The following PIK3C2B variants were observed in gnomAD, a reference collection of about 807,000 sequenced individuals.
The protein encoded by PIK3C2B is phosphatidylinositol-4-phosphate 3-kinase catalytic subunit type 2 beta, also known as phosphatidylinositol 4-phosphate 3-kinase C2 domain-containing subunit beta.
Under a neutral mutation model 184.3 loss-of-function variants are expected in PIK3C2B, and 83 were observed. The observed-to-expected ratio is 0.45, with a 90% confidence interval of 0.38 to 0.54. PIK3C2B has a LOEUF of 0.54. Among genes scored for constraint, PIK3C2B ranks in the 20% least tolerant of loss-of-function variants. The pLI is 0.00. For missense variants in PIK3C2B, 1,736 were observed against 2,113.5 expected, an observed-to-expected ratio of 0.82 and a Z score of 3.50; for synonymous variants, 779 against 837.6, an observed-to-expected ratio of 0.93 and a Z score of 1.21.
chr1:204,433,211 T>A lies in PIK3C2B; in HGVS notation c.3953+105A>T. Reference sequence around the variant, plus strand: ...ACGTGGTCAGCTCTAGGCTCTAGCATCTGAGCTAAGCTTTTCACCTTTCCC... The same window carrying A: ...ACGTGGTCAGCTCTAGGCTCTAGCAACTGAGCTAAGCTTTTCACCTTTCCC... On this transcript the variant is annotated intron_variant, in intron 26 of 32. Transcript: ENST00000684373. This position sits in a 1 kb window ranked among gnomAD's most constrained non-coding sequence, Gnocchi z 5.0. The A allele has an allele frequency of 1.5e-6, 1 of 652,786 alleles. No homozygotes were observed. The highest frequency in any genetic ancestry group is 2.7e-6 in the Non-Finnish European group (1 of 364,758). 40.4% of individuals were successfully genotyped at this position (652,786 alleles called of 1,614,324 possible). A position where few individuals can be genotyped will look rare whatever the true frequency, so the allele number is the denominator to read the frequency against.
Position 204,433,245 on chromosome 1 carries a change from C to A in PIK3C2B, c.3953+71G>T. Reference sequence around the variant, plus strand: ...AGCTTTTCACCTTTCCCCAGTCCTCCTCCTGCCAATCCGGCAGGCTGGGAA... The same window carrying A: ...AGCTTTTCACCTTTCCCCAGTCCTCATCCTGCCAATCCGGCAGGCTGGGAA... On this transcript the variant is annotated intron_variant, in intron 26 of 32. Coordinates refer to ENST00000684373, the MANE Select transcript of PIK3C2B (RefSeq NM_001377334.1). The surrounding 1 kb of genome is among the most constrained non-coding windows in gnomAD (Gnocchi z 5.0). 2.3e-6 allele frequency: 2 copies of A among 853,050 alleles called. No homozygotes were observed. The highest frequency in any genetic ancestry group is 2.0e-6 in the Non-Finnish European group (1 of 508,796). 52.8% of individuals were successfully genotyped at this position (853,050 alleles called of 1,614,324 possible).
chr1:204,439,151 A>G (rs1675510285), intron 22 of PIK3C2B, 80 bp from the exon 23 acceptor site: 1 of 1,407,044 alleles, frequency 7.1e-7, no homozygotes, highest in South Asian at 1.2e-5. Flanking sequence ...GACTGTGCTC[A>G]TGCTTCCCTA....
intron 14 of PIK3C2B, among the ~76,000 whole-genome samples, chr1:204,448,614 G>A (rs1654077092): frequency 7.2e-6 from 1 of 138,252 alleles, no homozygotes; most frequent in Non-Finnish European, 1.6e-5. Context: ...TTCCAGCCTG[G>A]GTGACAGAGA....
intron 2 of PIK3C2B, chr1:204,467,162 G>A (rs892135686): frequency 3.0e-6 from 1 of 327,882 alleles, no homozygotes; most frequent in African/African-American, 2.2e-5. Context: ...GGGAGTAGGG[G>A]AGGCAGGAGA....
intron 21 of PIK3C2B, 152 bp downstream of exon 21, chr1:204,441,319 A>G (rs2999496): frequency 0.97 from 544,617 of 559,892 alleles, 266,495 homozygotes; most frequent in East Asian, 1. Context: ...TGCAGAATTC[A>G]TCTAAATCCT....
chr1:204,454,758 G>A lies in PIK3C2B; in HGVS notation c.1977C>T (p.Ser659=), dbSNP rs1448583781. The change falls in exon 12 of 33, where the codon AGC becomes AGT. Residue 659 remains serine, a synonymous_variant. Coordinates refer to ENST00000684373, the MANE Select transcript of PIK3C2B (RefSeq NM_001377334.1). ...YEDFYLSCSL[S]HGGKELCSPL... is the part of the protein sequence containing the mutation. ...GGCTGCACAGCTCCTTGCCGCCATG[G>A]CTGAGGGAGCAGGAGAGGTAGAAAT... 1.2e-6 allele frequency: 2 copies of A among 1,613,420 alleles called. No homozygotes were observed. The highest frequency in any genetic ancestry group is 1.7e-6 in the Non-Finnish European group (2 of 1,179,976).
At position 204,469,305 on chromosome 1, in the gene PIK3C2B, C is replaced by T; in HGVS notation, c.498G>A (p.Trp166Ter). ...PPPLPPRASI[W>*]DTPPLPPRKG... is the part of the protein sequence containing the mutation. ...TTCTGGGAGGCAGGGGAGGGGTATC[C>T]CAGATAGAAGCTCGGGGAGGCAGAG... Residue 166 changes from tryptophan to a stop codon, truncating the protein, a stop_gained, in exon 2 of 33, where the codon TGG (tryptophan) becomes TGA (stop). Coordinates refer to ENST00000684373, the MANE Select transcript of PIK3C2B (RefSeq NM_001377334.1). LOFTEE classifies it high-confidence loss of function. 6.5e-7 allele frequency: 1 copy of T among 1,535,954 alleles called. No individual in the cohort carries two copies.
At chr1:204,479,385 G>A (rs965647424) in intron 1 of PIK3C2B, among the ~76,000 whole-genome samples, 1 of 152,092 alleles carries the variant, frequency 6.6e-6, no homozygotes, top group Non-Finnish European at 1.5e-5. Flanking sequence ...GGACAGGGAA[G>A]GTCCCAGGAT....
Position 204,429,965 on chromosome 1 carries a change from C to A in PIK3C2B, c.4354G>T (p.Gly1452Cys), listed in dbSNP as rs757025537. 6.2e-7 allele frequency: 1 copy of A among 1,612,918 alleles called. No homozygotes were observed. Among genetic ancestry groups the A allele is most frequent in the South Asian group, 1.1e-5 (1 of 91,080 alleles). The change falls in exon 29 of 33, where the codon GGT becomes TGT. Residue 1452 changes from glycine to cysteine, a missense_variant. Physicochemically the swap from Gly to Cys is radical, Grantham distance 159. This residue lies in a region of PIK3C2B where 200 missense variants were observed against 199.1 expected (regional missense o/e 1.00). Transcript: ENST00000684373. Reference protein sequence around the residue: ...VAERRREELNGYIWHLIHAPP... With the variant: ...VAERRREELNCYIWHLIHAPP... ...GCGTGGATCAAGTGCCAGATGTAAC[C>A]GTTTAGCTCCTCCCTCCGCCGCTCG...
At position 204,433,476 on chromosome 1, in the gene PIK3C2B, C is replaced by T. The variant is rs756435876; in HGVS notation, c.3844-51G>A. The stretch of plus-strand genomic sequence containing the variant: ...AGGGTGCCTGTAACAACAGAGAATT[C>T]TTGCTGCTTCTCTACCCTTAGGCAA... On this transcript the variant is annotated intron_variant, in intron 25 of 32. Transcript: ENST00000684373. The surrounding 1 kb of genome is among the most constrained non-coding windows in gnomAD (Gnocchi z 5.0). 37 of 1,167,582 alleles carry T rather than the reference C, an allele frequency of 3.2e-5. No homozygotes were observed. Among genetic ancestry groups the T allele is most frequent in the Non-Finnish European group, 4.4e-5 (34 of 777,176 alleles). 72.3% of individuals were successfully genotyped at this position (1,167,582 alleles called of 1,614,324 possible).
In PIK3C2B at chr1:204,433,421, A is replaced by G; in HGVS notation, c.3848T>C (p.Leu1283Ser). The G allele has an allele frequency of 1.3e-6, 2 of 1,577,026 alleles. No individual in the cohort carries two copies. The highest frequency in any genetic ancestry group is 1.7e-6 in the Non-Finnish European group (2 of 1,146,462). Residue 1283 changes from leucine to serine, a missense_variant, in exon 26 of 33, where the codon TTG becomes TCG. By Grantham distance (145) the Leu-to-Ser change is moderately radical. This residue lies in a region of PIK3C2B where 119 missense variants were observed against 179.3 expected (regional missense o/e 0.66). Transcript: ENST00000684373. This position sits in a 1 kb window ranked among gnomAD's most constrained non-coding sequence, Gnocchi z 5.0. The stretch of plus-strand genomic sequence containing the variant: ...TGAGAGTTCAGGGATCCCACAGGAC[A>G]ACATCTAGAAGGAGCAGAAAGAAGA... ...HLFLNLLGLM[L>S]SCGIPELSDL...
Position 204,456,032 on chromosome 1 carries a change from C to A in PIK3C2B, c.1767G>T (p.Leu589=). The A allele has an allele frequency of 6.2e-7, 1 of 1,613,412 alleles. No individual in the cohort carries two copies. The highest frequency in any genetic ancestry group is 1.1e-5 in the South Asian group (1 of 91,018). ...RENREKVVEA[L]TAAILDLVEL... ...CCACCAGGTCCAAGATGGCAGCGGT[C>A]AGGGCTTCCACGACCTTCTCTGGGA... Residue 589 remains leucine, a synonymous_variant, in exon 11 of 33, where the codon CTG becomes CTT. Coordinates refer to ENST00000684373, the MANE Select transcript of PIK3C2B (RefSeq NM_001377334.1).
At chr1:204,466,295 G>T (rs1199763268) in intron 2 of PIK3C2B, among the ~76,000 whole-genome samples, 1 of 152,326 alleles carries the variant, frequency 6.6e-6, no homozygotes, top group African/African-American at 2.4e-5. Context: ...TTTCTGGCGG[G>T]AGTCTAGCTC....
intron 5 of PIK3C2B, 141 bp downstream of exon 5, chr1:204,463,871 C>T (rs1655530636): frequency 3.5e-6 from 3 of 864,804 alleles, no homozygotes; most frequent in East Asian, 2.5e-5. Context: ...GCTACGTGGC[C>T]GAGAGTGTGC....
chr1:204,428,285 G>T, intron 29 of PIK3C2B, 65 bp from the exon 30 acceptor site: 1 of 977,710 alleles, frequency 1.0e-6, no homozygotes, highest in South Asian at 1.4e-5. Context: ...AAAAGGAAGG[G>T]GACTGTTCCA....
At chr1:204,456,808 A>C (rs533032299) in intron 10 of PIK3C2B, among the ~76,000 whole-genome samples, 2 of 151,760 alleles carry the variant, frequency 1.3e-5, no homozygotes, top group South Asian at 4.2e-4. Flanking sequence ...TGACTAGGAA[A>C]AATAATAAGA....
chr1:204,462,620 A>G (rs1572359504), intron 5 of PIK3C2B, among the ~76,000 whole-genome samples: 1 of 152,232 alleles, frequency 6.6e-6, no homozygotes, highest in Non-Finnish European at 1.5e-5. Context: ...AAGTGTGTAC[A>G]TAAGTGAGTT....
In PIK3C2B at chr1:204,424,749, G is replaced by A. The variant is rs770160575; in HGVS notation, c.*103C>T. 7 of 1,214,816 alleles carry A rather than the reference G, an allele frequency of 5.8e-6. No homozygotes were observed. Among genetic ancestry groups the A allele is most frequent in the Non-Finnish European group, 8.5e-6 (7 of 820,034 alleles). The allele number at this position is 1,214,816 out of a possible 1,614,324, so 75.3% of individuals were successfully genotyped here. A position where few individuals can be genotyped will look rare whatever the true frequency, so the allele number is the denominator to read the frequency against. ...ATCACCTGGACCGAGCTGGAGGCCT[G>A]CCCAGGGCCCTGGCCCTTCACAAGG... On this transcript the variant is annotated 3_prime_UTR_variant, in exon 33 of 33. Transcript: ENST00000684373.
intron 12 of PIK3C2B, among the ~76,000 whole-genome samples, chr1:204,452,109 C>A (rs1179310636): frequency 6.6e-6 from 1 of 152,096 alleles, no homozygotes; most frequent in African/African-American, 2.4e-5. Flanking sequence ...CAAGATAGTG[C>A]CCTTCACAAG....
Sources: allele counts gnomAD v4.1 joint callset (sites outside exome capture counted in the v4.1 genomes callset), GRCh38; gene constraint gnomAD v4.1.1; regional missense constraint gnomAD v4.1.1; non-coding constraint Gnocchi (gnomAD v3.1); transcripts MANE v1.5; gene names NCBI Gene and HGNC (gene_info 2026-07-23, HGNC 2026-07-21).